The following TANC2 variants were observed in gnomAD, a reference collection of about 807,000 sequenced individuals.
The protein encoded by TANC2 is tetratricopeptide repeat, ankyrin repeat and coiled-coil containing 2.
TANC2 carries 26 observed loss-of-function variants against 210.5 expected under a neutral mutation model. The ratio of observed to expected loss-of-function variants is 0.12; its 90% CI spans 0.09 to 0.17. TANC2 has a LOEUF of 0.17. Among genes scored for constraint, TANC2 ranks in the 10% least tolerant of loss-of-function variants. TANC2 has a pLI of 1.00. For missense variants in TANC2, 2,129 were observed against 2,608.9 expected, an observed-to-expected ratio of 0.82 and a Z score of 4.01; for synonymous variants, 931 against 967.1, an observed-to-expected ratio of 0.96 and a Z score of 0.69.
intron 21 of TANC2, among the ~76,000 whole-genome samples, chr17:63,409,691 C>G (rs1264135169): frequency 6.6e-6 from 1 of 152,094 alleles, no homozygotes; most frequent in East Asian, 1.9e-4. Context: ...CCTGGTGCTC[C>G]TAGGCTACAA....
At chr17:63,185,008 A>G (rs1242832460) in intron 5 of TANC2, among the ~76,000 whole-genome samples, 1 of 150,186 alleles carries the variant, frequency 6.7e-6, no homozygotes, top group Non-Finnish European at 1.5e-5. Flanking sequence ...TTGGGGACAG[A>G]GTGTGAGACA....
intron 7 of TANC2, among the ~76,000 whole-genome samples, chr17:63,202,524 T>C (rs895703352): frequency 2.0e-5 from 3 of 152,134 alleles, no homozygotes; most frequent in Non-Finnish European, 4.4e-5. Flanking sequence ...CTCCCAAAAT[T>C]ATAGTATATG....
chr17:63,291,811 C>T (rs2044391182), intron 9 of TANC2, among the ~76,000 whole-genome samples: 1 of 152,076 alleles, frequency 6.6e-6, no homozygotes, highest in Non-Finnish European at 1.5e-5. Context: ...GAACCAGCAA[C>T]CCCTCCAAGA....
intron 9 of TANC2, among the ~76,000 whole-genome samples, chr17:63,292,546 G>A (rs1264405582): frequency 6.6e-6 from 1 of 152,200 alleles, no homozygotes; most frequent in African/African-American, 2.4e-5. Context: ...CTATGAAAGT[G>A]AAAATTGCAA....
At chr17:63,359,341 C>G (rs2146937949) in intron 14 of TANC2, among the ~76,000 whole-genome samples, 1 of 145,660 alleles carries the variant, frequency 6.9e-6, no homozygotes, top group East Asian at 2.0e-4. Flanking sequence ...TGAGCTACTG[C>G]ACCAGCATTT....
At chr17:63,309,973 A>C (rs1214562521) in intron 9 of TANC2, among the ~76,000 whole-genome samples, 1 of 143,782 alleles carries the variant, frequency 7.0e-6, no homozygotes, top group Admixed American at 6.8e-5. Context: ...TTTGGGGGAA[A>C]AAAAAAAGTT....
chr17:63,325,079 C>T (rs1007864628), intron 11 of TANC2, among the ~76,000 whole-genome samples: 10 of 92,186 alleles, frequency 1.1e-4, no homozygotes, highest in African/African-American at 3.3e-4. Flanking sequence ...GGGCGGGGGG[C>T]GGGCAGGGGC....
At chr17:63,341,370 T>A (rs2046223594) in intron 12 of TANC2, among the ~76,000 whole-genome samples, 1 of 152,244 alleles carries the variant, frequency 6.6e-6, no homozygotes, top group East Asian at 1.9e-4. Flanking sequence ...CTAAAACCTG[T>A]TAATTCTGCC....
chr17:63,125,485 C>A (rs2145174245), intron 4 of TANC2, among the ~76,000 whole-genome samples: 1 of 152,210 alleles, frequency 6.6e-6, no homozygotes, highest in Middle Eastern at 3.4e-3. Context: ...AGAGTAGTTA[C>A]AACTTGAATC....
At chr17:63,314,421 C>A in exon 10 of TANC2, 1 of 1,613,928 alleles carries the variant, frequency 6.2e-7, no homozygotes, top group African/African-American at 1.3e-5. Flanking sequence ...CCAGATATCT[C>A]CTTGAAGCCT....
intron 2 of TANC2, among the ~76,000 whole-genome samples, chr17:63,068,800 C>T (rs893006409): frequency 6.8e-6 from 1 of 147,898 alleles, no homozygotes; most frequent in African/African-American, 2.5e-5. Flanking sequence ...TTAAAATGAA[C>T]GTCCACACAG....
intron 9 of TANC2, among the ~76,000 whole-genome samples, chr17:63,297,408 C>T (rs2044569611): frequency 6.6e-6 from 1 of 151,932 alleles, no homozygotes; most frequent in African/African-American, 2.4e-5. Flanking sequence ...CAGAAATAAA[C>T]CCCATACATC....
At chr17:63,131,394 G>GT (rs2145221067) in intron 4 of TANC2, among the ~76,000 whole-genome samples, 1 of 152,290 alleles carries the variant, frequency 6.6e-6, no homozygotes, top group African/African-American at 2.4e-5. Flanking sequence ...AAAGAAAGAG[G>GT]TTGGGATCAC....
chr17:63,135,244 A>C (rs2145255779), intron 4 of TANC2, among the ~76,000 whole-genome samples: 1 of 152,274 alleles, frequency 6.6e-6, no homozygotes, highest in Middle Eastern at 3.4e-3. Flanking sequence ...CCACAAAAAC[A>C]AGTACATCTT....
intron 21 of TANC2, among the ~76,000 whole-genome samples, chr17:63,407,484 A>G (rs780568570): frequency 2.6e-5 from 4 of 152,240 alleles, no homozygotes; most frequent in Non-Finnish European, 5.9e-5. Context: ...GTCATGTGCC[A>G]GTAGAGGCTC....
At chr17:63,375,475 C>T (rs2047396590) in intron 14 of TANC2, among the ~76,000 whole-genome samples, 1 of 152,192 alleles carries the variant, frequency 6.6e-6, no homozygotes, top group Non-Finnish European at 1.5e-5. Context: ...AAGTTCATTT[C>T]CTTGTCAAGC....
intron 3 of TANC2, among the ~76,000 whole-genome samples, chr17:63,092,978 A>C (rs965556353): frequency 2.0e-5 from 3 of 152,210 alleles, no homozygotes; most frequent in Non-Finnish European, 4.4e-5. Flanking sequence ...CTTACAGCCT[A>C]ACTACTAGTC....
At chr17:63,233,466 TG>T (rs2042537291) in intron 7 of TANC2, among the ~76,000 whole-genome samples, 2 of 152,200 alleles carry the variant, frequency 1.3e-5, no homozygotes, top group South Asian at 4.1e-4. Context: ...TGGCTGGGGG[TG>T]GGAGCTCCCC....
At chr17:62,993,404 A>T (rs1228816781) in intron 1 of TANC2, among the ~76,000 whole-genome samples, 2 of 152,188 alleles carry the variant, frequency 1.3e-5, no homozygotes, top group African/African-American at 4.8e-5. Flanking sequence ...GAATCTACAG[A>T]TCAATTTGGA....
Sources: allele counts gnomAD v4.1 joint callset (sites outside exome capture counted in the v4.1 genomes callset), GRCh38; gene constraint gnomAD v4.1.1; transcripts MANE v1.5; gene names NCBI Gene and HGNC (gene_info 2026-07-23, HGNC 2026-07-21).